Variants in RNF128 observed in about 807,000 individuals in gnomAD.
The protein encoded by RNF128 is ring finger protein 128, also known as E3 ubiquitin-protein ligase RNF128.
Under a neutral mutation model 26.2 loss-of-function variants are expected in RNF128, and 13 were observed. That is an observed-to-expected ratio of 0.50 (90% CI 0.32 to 0.79). RNF128 has a LOEUF of 0.79. Ranked by LOEUF, RNF128 falls within the 30% of genes least tolerant of loss-of-function variation. The probability of loss-of-function intolerance (pLI) is 0.03; values close to 1 mark genes in which losing one functional copy is unlikely to be tolerated. For synonymous variants in RNF128, 149 were observed against 142.5 expected, an observed-to-expected ratio of 1.05 and a Z score of -0.32; for missense variants, 315 against 349.7, an observed-to-expected ratio of 0.90 and a Z score of 0.79.
intron 2 of RNF128, among the ~76,000 whole-genome samples, chrX:106,774,849 C>T (rs969184742): frequency 1.8e-5 from 2 of 112,047 alleles, no homozygotes; most frequent in Admixed American, 9.5e-5. Context: ...CTGGTCACTT[C>T]ATGTACTCTT....
At chrX:106,766,600 G>A (rs1471047995) in intron 1 of RNF128, among the ~76,000 whole-genome samples, 2 of 112,207 alleles carry the variant, frequency 1.8e-5, no homozygotes, top group African/African-American at 6.5e-5. Flanking sequence ...GTTCATTGTA[G>A]ATTCTGGATA....
intron 1 of RNF128, among the ~76,000 whole-genome samples, chrX:106,699,119 T>C (rs1928914714): frequency 8.9e-6 from 1 of 112,232 alleles, no homozygotes; most frequent in Admixed American, 9.4e-5. Context: ...ATCTCTCACC[T>C]GGACCACTGC....
chrX:106,774,830 G>A lies in RNF128; in HGVS notation c.732+1670G>A, dbSNP rs1602388090. Among the ~76,000 whole-genome samples the A allele has an allele frequency of 3.6e-5, 4 of 111,798 alleles. No individual in the cohort carries two copies. In the South Asian group the frequency reaches 1.5e-3, roughly 42 times the overall value. On this transcript the variant is annotated intron_variant, in intron 2 of 6. Transcript: ENST00000255499. ...TGTACTGAGCAGTTTCTCTAAAGGCGATCGATTTCTGGTCACTTCATGTAC... is the reference window on the plus strand; with the variant it reads ...TGTACTGAGCAGTTTCTCTAAAGGCAATCGATTTCTGGTCACTTCATGTAC...
chrX:106,710,328 T>TA (rs1929103982), intron 1 of RNF128, among the ~76,000 whole-genome samples: 1 of 112,468 alleles, frequency 8.9e-6, no homozygotes, highest in East Asian at 2.8e-4. Flanking sequence ...TATATTCTGT[T>TA]AAAATGGTAT....
intron 2 of RNF128, among the ~76,000 whole-genome samples, chrX:106,773,478 T>C (rs1930412490): frequency 9.0e-6 from 1 of 111,384 alleles, no homozygotes; most frequent in African/African-American, 3.3e-5. Context: ...CATTTCATAC[T>C]CAATATAGAA....
intron 4 of RNF128, among the ~76,000 whole-genome samples, chrX:106,789,086 G>C (rs1201655670): frequency 2.5e-5 from 2 of 81,323 alleles, no homozygotes; most frequent in Admixed American, 1.6e-4. Flanking sequence ...ATACTATATA[G>C]TATATAGTAT....
chrX:106,783,830 G>A (rs930237020), intron 2 of RNF128, among the ~76,000 whole-genome samples: 10 of 110,929 alleles, frequency 9.0e-5, no homozygotes, highest in Admixed American at 2.9e-4. Flanking sequence ...GGAAGCACGC[G>A]TGTCACAGGG....
intron 1 of RNF128, among the ~76,000 whole-genome samples, chrX:106,765,986 G>A (rs1196755887): frequency 9.2e-6 from 1 of 108,353 alleles, no homozygotes; most frequent in African/African-American, 3.4e-5. Flanking sequence ...TTCTGTCTTG[G>A]TGATAGTTTG....
intron 1 of RNF128, among the ~76,000 whole-genome samples, chrX:106,746,865 G>A (rs55845652): frequency 0.012 from 1,330 of 111,275 alleles, 7 homozygotes; most frequent in East Asian, 0.017. Flanking sequence ...GCCATGTCTC[G>A]TTATTATTAA....
chrX:106,787,148 G>C (rs1042105894), intron 3 of RNF128, among the ~76,000 whole-genome samples: 1 of 111,247 alleles, frequency 9.0e-6, no homozygotes, highest in Non-Finnish European at 1.9e-5. Context: ...AAACACAACT[G>C]TTCATAGCAG....
Position 106,791,158 on chromosome X carries a change from C to T in RNF128, c.1077C>T (p.Ser359=). 3 of 1,209,099 alleles carry T rather than the reference C, an allele frequency of 2.5e-6. No individual in the cohort carries two copies. The highest frequency in any genetic ancestry group is 1.7e-5 in the African/African-American group (1 of 57,495). ...SASSHEEDNR[S]ETASSGYASV... ...CCTCCCATGAAGAGGATAATCGCAG[C>T]GAGACCGCATCATCTGGATATGCTT... is the stretch of plus-strand genomic sequence containing the variant. The change falls in exon 6 of 7, where the codon AGC becomes AGT. Residue 359 remains serine, a synonymous_variant. Coordinates refer to ENST00000255499, the MANE Select transcript of RNF128 (RefSeq NM_194463.2).
chrX:106,730,516 A>T (rs924111619), intron 1 of RNF128, among the ~76,000 whole-genome samples: 14 of 112,083 alleles, frequency 1.2e-4, no homozygotes, highest in African/African-American at 4.5e-4. Context: ...AAACCATCTA[A>T]AATGTAAGAT....
chrX:106,737,092 T>C (rs1929613726), intron 1 of RNF128, among the ~76,000 whole-genome samples: 1 of 111,694 alleles, frequency 9.0e-6, no homozygotes, highest in Non-Finnish European at 1.9e-5. Context: ...AAAGACTACA[T>C]TTTGTTTTCT....
At chrX:106,753,241 C>G in intron 1 of RNF128, among the ~76,000 whole-genome samples, 1 of 111,065 alleles carries the variant, frequency 9.0e-6, no homozygotes, top group Middle Eastern at 4.7e-3. Context: ...ATAATAACTG[C>G]AAGTTTTGAA....
chrX:106,771,537 A>C (rs1012857206), intron 1 of RNF128, among the ~76,000 whole-genome samples: 3 of 112,934 alleles, frequency 2.7e-5, no homozygotes, highest in Non-Finnish European at 1.9e-5. Context: ...CTCCATGGGC[A>C]TGGGACCCTC....
At chrX:106,715,954 T>A (rs896343641) in intron 1 of RNF128, among the ~76,000 whole-genome samples, 1 of 111,505 alleles carries the variant, frequency 9.0e-6, no homozygotes, top group Non-Finnish European at 1.9e-5. Flanking sequence ...AATATGTTAT[T>A]CAAGGTCAAC....
At chrX:106,755,071 T>C (rs1270182472) in intron 1 of RNF128, among the ~76,000 whole-genome samples, 1 of 110,680 alleles carries the variant, frequency 9.0e-6, no homozygotes, top group Admixed American at 9.6e-5. Context: ...AGATGAAAAA[T>C]GGGACATACA....
intron 1 of RNF128, among the ~76,000 whole-genome samples, chrX:106,768,754 C>T (rs1298094694): frequency 9.0e-6 from 1 of 111,377 alleles, no homozygotes; most frequent in African/African-American, 3.3e-5. Context: ...TTGCCTTCTG[C>T]CAGCTTTTGA....
In RNF128 at chrX:106,769,551, T is replaced by G. The variant is rs1402131819; in HGVS notation, c.485-3362T>G. Among the ~76,000 whole-genome samples, 186 of 102,024 alleles carry G rather than the reference T, an allele frequency of 1.8e-3. 3 individuals are homozygous for G. Among genetic ancestry groups the G allele is most frequent in the African/African-American group, 6.4e-3 (182 of 28,439 alleles). The allele number at this position is 102,024 out of a possible 115,157, so 88.6% of individuals were successfully genotyped here. On this transcript the variant is annotated intron_variant, in intron 1 of 6. Coordinates refer to ENST00000255499, the MANE Select transcript of RNF128 (RefSeq NM_194463.2). ...AGGATTGCTACACCTGCTTTGTTTT[T>G]TTTTTTTTTTTTTGCTTTCCATTTG...
Sources: allele counts gnomAD v4.1 joint callset (sites outside exome capture counted in the v4.1 genomes callset), GRCh38; gene constraint gnomAD v4.1.1; transcripts MANE v1.5; gene names NCBI Gene and HGNC (gene_info 2026-07-23, HGNC 2026-07-21).